LGSN: variants seen among roughly 807,000 people sequenced by gnomAD.
LGSN encodes the protein lengsin, lens protein with glutamine synthetase domain, also known as lengsin.
Under a neutral mutation model 19.5 loss-of-function variants are expected in LGSN, and 21 were observed. The observed-to-expected ratio is 1.07, with a 90% confidence interval of 0.76 to 1.55. The LOEUF (loss-of-function observed/expected upper bound fraction) is 1.55, where lower values mean the gene tolerates loss of function less well. LGSN is among the 40% of genes most tolerant of loss of function. LGSN has a pLI of 0.00. For missense variants in LGSN, 673 were observed against 608.5 expected, an observed-to-expected ratio of 1.11 and a Z score of -1.12; for synonymous variants, 257 against 215.6, an observed-to-expected ratio of 1.19 and a Z score of -1.68.
the LGSN span, among the ~76,000 whole-genome samples, chr6:63,500,565 G>T: frequency 6.1e-3 from 926 of 152,006 alleles, 9 homozygotes; most frequent in African/African-American, 0.021. Flanking sequence ...GGGATTGCAG[G>T]CATGCACCAC....
At chr6:63,499,612 A>G in the LGSN span, among the ~76,000 whole-genome samples, 2 of 152,090 alleles carry the variant, frequency 1.3e-5, no homozygotes, top group African/African-American at 4.8e-5. Flanking sequence ...AAAAATCTTC[A>G]TAACTGCAGC....
At chr6:63,440,842 A>G in the LGSN span, 1 of 173,340 alleles carries the variant, frequency 5.8e-6, no homozygotes, top group Non-Finnish European at 1.3e-5. Flanking sequence ...AGCCTCAGCA[A>G]CCTGGATGAA....
At chr6:63,396,450 TC>T in the LGSN span, 549 of 175,960 alleles carry the variant, frequency 3.1e-3, 2 homozygotes, top group Non-Finnish European at 4.2e-3. Flanking sequence ...TGCCATAGGC[TC>T]CCCTCATCCT....
the LGSN span, among the ~76,000 whole-genome samples, chr6:63,329,605 T>G: frequency 2.6e-5 from 4 of 152,192 alleles, no homozygotes; most frequent in Admixed American, 1.3e-4. Context: ...AAGGAAAAGT[T>G]GTGGGATCTT....
At chr6:63,337,348 G>A in the LGSN span, among the ~76,000 whole-genome samples, 25 of 150,874 alleles carry the variant, frequency 1.7e-4, no homozygotes, top group East Asian at 2.6e-3. Flanking sequence ...CTGTAATCCC[G>A]TTACTCATGT....
At chr6:63,339,535 C>A in the LGSN span, among the ~76,000 whole-genome samples, 1 of 152,002 alleles carries the variant, frequency 6.6e-6, no homozygotes, top group African/African-American at 2.4e-5. Context: ...ATATTCTTTT[C>A]CTTCCCTTCG....
At chr6:63,445,000 AG>A in the LGSN span, among the ~76,000 whole-genome samples, 2 of 152,180 alleles carry the variant, frequency 1.3e-5, no homozygotes, top group African/African-American at 4.8e-5. Flanking sequence ...TGCCATTTGC[AG>A]GGCAGACACT....
chr6:63,448,649 C>T, the LGSN span, among the ~76,000 whole-genome samples: 1 of 148,886 alleles, frequency 6.7e-6, no homozygotes, highest in Non-Finnish European at 1.5e-5. Context: ...ATATTAAATC[C>T]ACATTTTTTT....
the LGSN span, among the ~76,000 whole-genome samples, chr6:63,534,783 A>AAAGAATTTCTTTAGTAAAGAATTTCATG: frequency 6.8e-6 from 1 of 147,536 alleles, no homozygotes; most frequent in East Asian, 1.9e-4. Flanking sequence ...TTTCTTTACT[A>AAAGAATTTCTTTAGTAAAGAATTTCATG]AAGAATTTCT....
chr6:63,471,875 T>G, the LGSN span, among the ~76,000 whole-genome samples: 1 of 151,968 alleles, frequency 6.6e-6, no homozygotes, highest in Admixed American at 6.6e-5. Context: ...ATTAGTGCCG[T>G]TACAATAAGA....
chr6:63,342,352 T>C, the LGSN span, among the ~76,000 whole-genome samples: 1 of 152,232 alleles, frequency 6.6e-6, no homozygotes, highest in East Asian at 1.9e-4. Context: ...TAAGCAATAG[T>C]ATTTTTTAAC....
chr6:63,540,279 A>G, the LGSN span, among the ~76,000 whole-genome samples: 2 of 152,124 alleles, frequency 1.3e-5, no homozygotes, highest in Admixed American at 6.6e-5. Flanking sequence ...AATCATAGAT[A>G]GATCTTAAAA....
chr6:63,556,779 A>C, the LGSN span, among the ~76,000 whole-genome samples: 1 of 152,256 alleles, frequency 6.6e-6, no homozygotes, highest in Non-Finnish European at 1.5e-5. Context: ...ACAGTAACGT[A>C]AAAGTGAGTT....
At chr6:63,539,760 T>C in the LGSN span, among the ~76,000 whole-genome samples, 2 of 149,256 alleles carry the variant, frequency 1.3e-5, no homozygotes, top group African/African-American at 2.5e-5. Context: ...AGAGTGAGAC[T>C]CTGTCTCAAA....
At chr6:63,393,048 G>A in the LGSN span, among the ~76,000 whole-genome samples, 6 of 151,480 alleles carry the variant, frequency 4.0e-5, no homozygotes, top group East Asian at 3.9e-4. Flanking sequence ...CACCACGCCC[G>A]GCTAATTTTT....
At chr6:63,412,571 G>GAAAGAAAGAAAGAAAGA in the LGSN span, among the ~76,000 whole-genome samples, 3 of 62,850 alleles carry the variant, frequency 4.8e-5, no homozygotes, top group Admixed American at 1.5e-4. Flanking sequence ...AGAAAGAAAG[G>GAAAGAAAGAAAGAAAGA]AAGGAAGGAA....
At chr6:63,326,690 G>T in the LGSN span, among the ~76,000 whole-genome samples, 12 of 152,212 alleles carry the variant, frequency 7.9e-5, no homozygotes, top group Non-Finnish European at 1.5e-4. Flanking sequence ...GCAGCTGCTG[G>T]CCTGGGTGCT....
the LGSN span, among the ~76,000 whole-genome samples, chr6:63,442,673 A>C: frequency 6.6e-6 from 1 of 152,194 alleles, no homozygotes; most frequent in South Asian, 2.1e-4. Context: ...CTGCATTTAC[A>C]AACCTTGAGC....
chr6:63,449,241 G>A, the LGSN span, among the ~76,000 whole-genome samples: 1 of 152,042 alleles, frequency 6.6e-6, no homozygotes, highest in Non-Finnish European at 1.5e-5. Flanking sequence ...CAACATAAAA[G>A]CAAAGGAGGA....
Sources: allele counts gnomAD v4.1 joint callset (sites outside exome capture counted in the v4.1 genomes callset), GRCh38; gene constraint gnomAD v4.1.1; transcripts MANE v1.5; gene names NCBI Gene and HGNC (gene_info 2026-07-23, HGNC 2026-07-21).